EEFSEC: variants seen among roughly 807,000 people sequenced by gnomAD.
The protein encoded by EEFSEC is eukaryotic elongation factor, selenocysteine-tRNA specific.
EEFSEC carries 43 observed loss-of-function variants against 42.1 expected under a neutral mutation model. That is an observed-to-expected ratio of 1.02 (90% CI 0.80 to 1.32). The LOEUF (loss-of-function observed/expected upper bound fraction) is 1.32, where lower values mean the gene tolerates loss of function less well. Ranked by LOEUF, EEFSEC falls within the 40% of genes most tolerant of loss-of-function variation. The probability of loss-of-function intolerance (pLI) is 0.00; values close to 1 mark genes in which losing one functional copy is unlikely to be tolerated. For synonymous variants in EEFSEC, 354 were observed against 339.1 expected (o/e 1.04, Z -0.48); for missense variants, 745 against 803.6 (o/e 0.93, Z 0.88).
chr3:128,411,752 G>A (rs561410266), downstream of EEFSEC, among the ~76,000 whole-genome samples: 4 of 152,346 alleles, frequency 2.6e-5, no homozygotes, highest in South Asian at 8.3e-4. Flanking sequence ...ATGGAAACAG[G>A]CTTCTGGGTT....
chr3:128,283,375 T>G (rs2066549729), intron 4 of EEFSEC, among the ~76,000 whole-genome samples: 3 of 152,228 alleles, frequency 2.0e-5, no homozygotes. Context: ...GGAAATTTAC[T>G]TGCTTCCACA....
intron 4 of EEFSEC, among the ~76,000 whole-genome samples, chr3:128,288,552 A>C (rs763793082): frequency 1.3e-5 from 2 of 152,158 alleles, no homozygotes; most frequent in Non-Finnish European, 2.9e-5. Context: ...TTGTTGAACA[A>C]ATGTGCACCC....
In EEFSEC at chr3:128,277,264, A is replaced by G. The variant is rs529641894; in HGVS notation, c.786+12483A>G. ...ATTCTTTCTTTTAAGAAATAAAACA[A>G]TAATAAAATACCATAAACCTTGCTT... On this transcript the variant is annotated intron_variant, in intron 4 of 6. Transcript: ENST00000254730. Among the ~76,000 whole-genome samples the G allele has an allele frequency of 2.3e-4, 35 of 152,394 alleles. No individual in the cohort carries two copies. In the East Asian group the frequency reaches 6.0e-3, roughly 26 times the overall value.
chr3:128,163,031 A>T (rs2065206684), intron 1 of EEFSEC, among the ~76,000 whole-genome samples: 1 of 152,186 alleles, frequency 6.6e-6, no homozygotes, highest in African/African-American at 2.4e-5. Context: ...CCCATAAATT[A>T]AGCCCTAAGA....
At chr3:128,216,750 C>T (rs1049004868) in intron 1 of EEFSEC, among the ~76,000 whole-genome samples, 6 of 152,234 alleles carry the variant, frequency 3.9e-5, no homozygotes, top group Non-Finnish European at 8.8e-5. Context: ...TGACATTGGT[C>T]AGTTTCTGAC....
At chr3:128,419,877 A>C in the EEFSEC span, among the ~76,000 whole-genome samples, 3 of 152,148 alleles carry the variant, frequency 2.0e-5, no homozygotes, top group Admixed American at 1.3e-4. Context: ...TTGCAGGAGG[A>C]GGCCTGGGGT....
intron 5 of EEFSEC, among the ~76,000 whole-genome samples, chr3:128,356,289 GA>G (rs2067453197): frequency 6.6e-6 from 1 of 152,218 alleles, no homozygotes; most frequent in African/African-American, 2.4e-5. Context: ...TTAGTCCAGG[GA>G]CTGTGCCTTT....
chr3:128,403,212 C>T (rs1393202578), intron 6 of EEFSEC, among the ~76,000 whole-genome samples: 3 of 152,230 alleles, frequency 2.0e-5, no homozygotes, highest in East Asian at 3.9e-4. Context: ...CAGAGACAGG[C>T]CAGGTGTGCC....
intron 6 of EEFSEC, among the ~76,000 whole-genome samples, chr3:128,382,939 G>A (rs945293879): frequency 1.3e-5 from 2 of 152,228 alleles, no homozygotes; most frequent in Non-Finnish European, 2.9e-5. Flanking sequence ...AGGAGTCTGT[G>A]CTGGGCAGTC....
At chr3:128,176,072 C>T (rs1027241088) in intron 1 of EEFSEC, among the ~76,000 whole-genome samples, 9 of 152,156 alleles carry the variant, frequency 5.9e-5, no homozygotes, top group African/African-American at 2.2e-4. Flanking sequence ...GTGTATGGAA[C>T]CTATACTCTG....
chr3:128,375,871 G>A (rs1000753597), intron 6 of EEFSEC, among the ~76,000 whole-genome samples: 22 of 152,052 alleles, frequency 1.4e-4, no homozygotes, highest in African/African-American at 5.1e-4. Flanking sequence ...GTGAGTGAGT[G>A]GGCAAACCCC....
chr3:128,208,511 G>T (rs1011219805), intron 1 of EEFSEC, among the ~76,000 whole-genome samples: 4 of 152,176 alleles, frequency 2.6e-5, no homozygotes, highest in Non-Finnish European at 5.9e-5. Context: ...AGAATGTTCA[G>T]GTGTAGTGTT....
chr3:128,258,903 A>G (rs1053940879), intron 2 of EEFSEC, among the ~76,000 whole-genome samples: 2 of 152,126 alleles, frequency 1.3e-5, no homozygotes, highest in Admixed American at 1.3e-4. Context: ...CCTGCCTCCA[A>G]CCTAGGCTGA....
At chr3:128,306,157 G>T (rs2066824567) in intron 4 of EEFSEC, among the ~76,000 whole-genome samples, 1 of 152,082 alleles carries the variant, frequency 6.6e-6, no homozygotes, top group South Asian at 2.1e-4. Context: ...GGAGTTTATT[G>T]AGTTTTCCTT....
chr3:128,307,932 C>T (rs1029836412), intron 4 of EEFSEC, among the ~76,000 whole-genome samples: 6 of 152,168 alleles, frequency 3.9e-5, no homozygotes, highest in East Asian at 3.9e-4. Flanking sequence ...TTGTGGCAGG[C>T]GAGAGCACAT....
intron 4 of EEFSEC, among the ~76,000 whole-genome samples, chr3:128,265,154 G>A (rs200580187): frequency 2.8e-4 from 1 of 3,544 alleles, no homozygotes; most frequent in Admixed American, 4.6e-3. Flanking sequence ...CTTTCTGGAC[G>A]CTGTACGTCA....
At chr3:128,318,428 G>A (rs189820106) in intron 4 of EEFSEC, among the ~76,000 whole-genome samples, 12 of 152,308 alleles carry the variant, frequency 7.9e-5, no homozygotes, top group African/African-American at 2.9e-4. Flanking sequence ...CTGCCAGCAG[G>A]CAGCAGCCAT....
intron 4 of EEFSEC, among the ~76,000 whole-genome samples, chr3:128,296,087 G>A (rs1203572023): frequency 6.6e-6 from 1 of 152,156 alleles, no homozygotes; most frequent in East Asian, 1.9e-4. Context: ...GATTATCCAG[G>A]CCCTGGTACT....
intron 1 of EEFSEC, among the ~76,000 whole-genome samples, chr3:128,235,258 G>A (rs2065996384): frequency 6.7e-6 from 1 of 150,320 alleles, no homozygotes; most frequent in African/African-American, 2.5e-5. Context: ...TTGTAGAGAT[G>A]GGGTCTCTCC....
Sources: allele counts gnomAD v4.1 joint callset (sites outside exome capture counted in the v4.1 genomes callset), GRCh38; gene constraint gnomAD v4.1.1; transcripts MANE v1.5; gene names NCBI Gene and HGNC (gene_info 2026-07-23, HGNC 2026-07-21).